The following PRCD variants were observed in gnomAD, a reference collection of about 807,000 sequenced individuals.
PRCD encodes photoreceptor disk component PRCD.
A neutral mutation model predicts 10.1 loss-of-function variants in PRCD; 12 were observed. That is an observed-to-expected ratio of 1.18 (90% CI 0.76 to 1.92). The LOEUF is 1.92. Among genes scored for constraint, PRCD ranks in the 40% most tolerant of loss-of-function variants. PRCD has a pLI of 0.00. For missense variants in PRCD, 61 were observed against 72.2 expected (o/e 0.84, Z 0.56); for synonymous variants, 31 against 26.2 (o/e 1.18, Z -0.56).
chr17:76,528,102 T>G lies in PRCD; in HGVS notation n.45+269T>G. On this transcript the variant is annotated intron_variant and non_coding_transcript_variant, in intron 1 of 4. Transcript: ENST00000397633. The surrounding 1 kb of genome is among the most constrained non-coding windows in gnomAD (Gnocchi z 5.8). ...GGCTTCTGGGCGCCGCGGATACACA[T>G]TCTAGATATGTATGTGTGTATATAT... 1 of 403,068 alleles carries G rather than the reference T, an allele frequency of 2.5e-6. No individual in the cohort carries two copies. The allele number at this position is 403,068 out of a possible 1,614,324, so 25.0% of individuals were successfully genotyped here.
intron 1 of PRCD, among the ~76,000 whole-genome samples, chr17:76,552,488 T>C (rs947209786): frequency 6.6e-6 from 1 of 151,996 alleles, no homozygotes; most frequent in African/African-American, 2.4e-5. Context: ...CGTGAGCCAC[T>C]GCACCCAGCC....
chr17:76,545,457 C>A, downstream of PRCD: 1 of 441,094 alleles, frequency 2.3e-6, no homozygotes, highest in South Asian at 1.6e-5. Flanking sequence ...TGCTCAGGGG[C>A]TTGGGAGAGG....
At chr17:76,537,593 C>A, upstream of PRCD, 1 of 1,047,798 alleles carries the variant, frequency 9.5e-7, no homozygotes, top group Non-Finnish European at 1.1e-6. Context: ...GGTGGCGGGG[C>A]GCGGGGCGCG....
rs201189579 is a variant in PRCD, at chr17:76,531,453, C to T, written n.45+3620C>T. On this transcript the variant is annotated intron_variant and non_coding_transcript_variant, in intron 1 of 4. Coordinates refer to the PRCD transcript ENST00000397633. This position sits in a 1 kb window ranked among gnomAD's most constrained non-coding sequence, Gnocchi z 7.4. ...GTGGGGGCTCTGCAGCAGATGGGGG[C>T]GCATACCTTGAAGTACACCGGTTCC... is the stretch of plus-strand genomic sequence containing the variant. 216 of 1,600,644 alleles carry T rather than the reference C, an allele frequency of 1.3e-4. No homozygotes were observed. In the African/African-American group the frequency reaches 1.6e-3, roughly 12 times the overall value.
chr17:76,548,041 C>T (rs575695333), downstream of PRCD, among the ~76,000 whole-genome samples: 260 of 151,850 alleles, frequency 1.7e-3, no homozygotes, highest in Middle Eastern at 3.4e-3. Context: ...TACACATATA[C>T]GAACATTCAC....
At chr17:76,529,108 A>G (rs990477155) in intron 1 of PRCD, 11 of 964,526 alleles carry the variant, frequency 1.1e-5, no homozygotes, top group Admixed American at 1.5e-4. Context: ...CTCAATAAAC[A>G]GTGGCGCCTG....
Position 76,542,535 on chromosome 17 carries a change from G to T in PRCD, c.144-18G>T, listed in dbSNP as rs1420247742. 4 of 1,614,206 alleles carry T rather than the reference G, an allele frequency of 2.5e-6. No homozygotes were observed. In the East Asian group the frequency reaches 8.9e-5, roughly 36 times the overall value. Reference sequence around the variant, plus strand: ...GTCGTGCCCTTCAATCCTGACCCCAGTGCTTTCCTCTGTTTAGGGAGAAAG... The same window carrying T: ...GTCGTGCCCTTCAATCCTGACCCCATTGCTTTCCTCTGTTTAGGGAGAAAG... On this transcript the variant is annotated intron_variant, in intron 2 of 4. Coordinates refer to ENST00000592014, the MANE Select transcript of PRCD (RefSeq NM_001077620.3).
chr17:76,531,478 C>T lies in PRCD; in HGVS notation n.45+3645C>T. ...CGCATACCTTGAAGTACACCGGTTC[C>T]ACCTTGTGCTTGAGGGCGTGGGCTT... On this transcript the variant is annotated intron_variant and non_coding_transcript_variant, in intron 1 of 4. Coordinates refer to the PRCD transcript ENST00000397633. This position sits in a 1 kb window ranked among gnomAD's most constrained non-coding sequence, Gnocchi z 7.4. 1 of 1,611,086 alleles carries T rather than the reference C, an allele frequency of 6.2e-7. No homozygotes were observed. The highest frequency in any genetic ancestry group is 1.1e-5 in the South Asian group (1 of 91,056).
downstream of PRCD, chr17:76,546,734 T>C (rs112313400): frequency 2.9e-4 from 44 of 152,350 alleles, 2 homozygotes; most frequent in African/African-American, 1.0e-3. This position sits in a 1 kb window ranked among gnomAD's most constrained non-coding sequence, Gnocchi z 4.5. Flanking sequence ...ATGATGATAC[T>C]AATCGTATGA....
chr17:76,529,740 C>G, intron 1 of PRCD: 2 of 985,412 alleles, frequency 2.0e-6, no homozygotes, highest in Middle Eastern at 5.2e-4. Flanking sequence ...GGGGCAACCA[C>G]TGCTCTCCAC....
chr17:76,540,669 GT>G lies in PRCD; in HGVS notation c.143+97del. The G allele has an allele frequency of 4.0e-6, 5 of 1,244,766 alleles. No homozygotes were observed. Among genetic ancestry groups the G allele is most frequent in the African/African-American group, 1.5e-5 (1 of 67,714 alleles). 77.1% of individuals were successfully genotyped at this position (1,244,766 alleles called of 1,614,324 possible). On this transcript the variant is annotated intron_variant, in intron 2 of 4. Transcript: ENST00000592014. The surrounding 1 kb of genome is among the most constrained non-coding windows in gnomAD (Gnocchi z 5.0). ...TGCACGTGTGTGCCTGTGCGCGCCT[GT>G]GCGTGCACCGTATCCTGGCCCTTGC...
upstream of PRCD, among the ~76,000 whole-genome samples, chr17:76,535,580 A>G (rs1183740030): frequency 6.6e-6 from 1 of 152,094 alleles, no homozygotes; most frequent in Admixed American, 6.5e-5. Flanking sequence ...GTGGAGTCAG[A>G]GTGGTGAGGG....
At position 76,529,605 on chromosome 17, in the gene PRCD, A is replaced by G. The variant is rs956534259; in HGVS notation, n.45+1772A>G. ...CAGGAAGTCTTGTGTCCTGGCTGTA[A>G]ACAAACTCATCTTTGGCAGCAGAGC... On this transcript the variant is annotated intron_variant and non_coding_transcript_variant, in intron 1 of 4. Transcript: ENST00000397633. The G allele has an allele frequency of 4.1e-6, 4 of 985,262 alleles. No individual in the cohort carries two copies. The African/African-American group carries it at 5.2e-5, about 13-fold the overall frequency. 61.0% of individuals were successfully genotyped at this position (985,262 alleles called of 1,614,324 possible). A position where few individuals can be genotyped will look rare whatever the true frequency, so the allele number is the denominator to read the frequency against.
At chr17:76,550,548 C>G (rs1476641412) in intron 1 of PRCD, 1 of 152,274 alleles carries the variant, frequency 6.6e-6, no homozygotes, top group African/African-American at 2.4e-5. Flanking sequence ...AGGCATGAGC[C>G]ACCGCACCCG....
Position 76,540,676 on chromosome 17 carries a change from C to A in PRCD, c.143+103C>A. On this transcript the variant is annotated intron_variant, in intron 2 of 4. Transcript: ENST00000592014. The surrounding 1 kb of genome is among the most constrained non-coding windows in gnomAD (Gnocchi z 5.0). ...GTGTGCCTGTGCGCGCCTGTGCGTGCACCGTATCCTGGCCCTTGCCCTAAG... is the reference window on the plus strand; with the variant it reads ...GTGTGCCTGTGCGCGCCTGTGCGTGAACCGTATCCTGGCCCTTGCCCTAAG... The A allele has an allele frequency of 2.5e-6, 3 of 1,194,058 alleles. No homozygotes were observed. The highest frequency in any genetic ancestry group is 2.5e-6 in the Non-Finnish European group (2 of 814,650). The allele number at this position is 1,194,058 out of a possible 1,614,324, so 74.0% of individuals were successfully genotyped here.
chr17:76,535,428 C>T (rs2074903815), upstream of PRCD, among the ~76,000 whole-genome samples: 1 of 152,168 alleles, frequency 6.6e-6, no homozygotes, highest in Non-Finnish European at 1.5e-5. Context: ...CTTTCTTCCC[C>T]TTCCCCCACT....
chr17:76,537,242 C>T (rs1340191337), upstream of PRCD, among the ~76,000 whole-genome samples: 2 of 152,182 alleles, frequency 1.3e-5, no homozygotes, highest in Non-Finnish European at 2.9e-5. Context: ...TTCGTTCACC[C>T]CAAGGCGCCC....
chr17:76,548,057 TAC>T (rs563891616), downstream of PRCD, among the ~76,000 whole-genome samples: 17 of 150,934 alleles, frequency 1.1e-4, 1 homozygote, highest in South Asian at 1.7e-3. Flanking sequence ...TTCACACACA[TAC>T]ACACAGACAT....
At chr17:76,534,109 TTCTTCTTTC>T (rs2074882627) in intron 1 of PRCD, among the ~76,000 whole-genome samples, 1 of 148,608 alleles carries the variant, frequency 6.7e-6, no homozygotes, top group Non-Finnish European at 1.5e-5. Flanking sequence ...TTTTCTTTCT[TTCTTCTTTC>T]TTTCTTTCTT....
Sources: allele counts gnomAD v4.1 joint callset (sites outside exome capture counted in the v4.1 genomes callset), GRCh38; gene constraint gnomAD v4.1.1; non-coding constraint Gnocchi (gnomAD v3.1); transcripts MANE v1.5; gene names NCBI Gene and HGNC (gene_info 2026-07-23, HGNC 2026-07-21).